WDR75: variants seen among roughly 807,000 people sequenced by gnomAD.
WDR75 encodes WD repeat domain 75, also known as WD repeat-containing protein 75.
In WDR75, 52 loss-of-function variants were observed where a neutral mutation model predicts 106.1. That is an observed-to-expected ratio of 0.49 (90% CI 0.39 to 0.62). The LOEUF is 0.62. WDR75 is among the 20% of genes least tolerant of loss of function. The probability of loss-of-function intolerance (pLI) is 0.00; values close to 1 mark genes in which losing one functional copy is unlikely to be tolerated. For missense variants in WDR75, 905 were observed against 970.3 expected (o/e 0.93, Z 0.89); for synonymous variants, 333 against 335.5 (o/e 0.99, Z 0.08).
At position 189,475,339 on chromosome 2, in the gene WDR75, A is replaced by G. The variant is rs750041155; in HGVS notation, c.2415A>G (p.Ile805Met). The stretch of plus-strand genomic sequence containing the variant: ...ACACAGGTTTAGGAGAAGACATTAT[A>G]CATCAGTTGTCAAAATCTGAAGAAA... ...TSNTGLGEDI[I>M]HQLSKSEEKE... Residue 805 changes from isoleucine (I) to methionine (M), a missense_variant, in exon 21 of 21, where the codon ATA becomes ATG. Transcript: ENST00000314761. The G allele has an allele frequency of 6.2e-7, 1 of 1,612,476 alleles. No individual in the cohort carries two copies. Among genetic ancestry groups the G allele is most frequent in the Non-Finnish European group, 8.5e-7 (1 of 1,179,084 alleles).
At chr2:189,441,684 T>A (rs1686369152) in intron 1 of WDR75, 106 bp downstream of exon 1, 1 of 1,334,262 alleles carries the variant, frequency 7.5e-7, no homozygotes, top group African/African-American at 1.5e-5. Flanking sequence ...GCCTGGCGGA[T>A]ATCGGCTTTG....
At chr2:189,463,596 T>A (rs555429196) in intron 9 of WDR75, 98 bp from the exon 10 acceptor site, 1 of 968,466 alleles carries the variant, frequency 1.0e-6, no homozygotes, top group African/African-American at 1.6e-5. Flanking sequence ...AGTTTATGAA[T>A]TTGTGTTAGG....
Position 189,470,076 on chromosome 2 carries a change from T to G in WDR75, c.1820T>G (p.Leu607Trp). The G allele has an allele frequency of 6.2e-7, 1 of 1,610,072 alleles. No individual in the cohort carries two copies. The highest frequency in any genetic ancestry group is 8.5e-7 in the Non-Finnish European group (1 of 1,178,418). The change falls in exon 17 of 21, where the codon TTG becomes TGG. Residue 607 changes from leucine to tryptophan, a missense_variant and splice_region_variant. By Grantham distance (61) the Leu-to-Trp change is moderately conservative. Transcript: ENST00000314761. ...AISQSSVGSDLFVFKPSEPRP... is the reference protein window; with the variant it reads ...AISQSSVGSDWFVFKPSEPRP... ...TTGTTTCTTTGTTTTTTCCCTCTAG[T>G]GTTTGTATTTAAACCTAGTGAGCCA... is the stretch of plus-strand genomic sequence containing the variant.
rs1686943925 is a variant in WDR75, at chr2:189,463,658, A to G, written c.938-36A>G. 3 of 1,609,726 alleles carry G rather than the reference A, an allele frequency of 1.9e-6. No individual in the cohort carries two copies. In the South Asian group the frequency reaches 3.3e-5, roughly 18 times the overall value. ...AGGTTGGACAAGCTTTCTCTAACCT[A>G]TTGATATTTAAATACCTATTTTTTT... is the stretch of plus-strand genomic sequence containing the variant. On this transcript the variant is annotated intron_variant, in intron 9 of 20. Transcript: ENST00000314761.
chr2:189,458,807 T>G lies in WDR75; in HGVS notation c.624T>G (p.Cys208Trp), dbSNP rs1458551497. Residue 208 changes from cysteine (C) to tryptophan (W), a missense_variant, in exon 7 of 21, where the codon TGT becomes TGG. Cys to Trp is a radical substitution (Grantham distance 215, BLOSUM62 -2). Transcript: ENST00000314761. ...AGCATGCTAAAAACAATTTTACATG[T>G]GTAGCATGTCACCCAACGGAAGACT... ...NKKHAKNNFT[C>W]VACHPTEDCI... 6.2e-7 allele frequency: 1 copy of G among 1,609,510 alleles called. No individual in the cohort carries two copies. The highest frequency in any genetic ancestry group is 8.5e-7 in the Non-Finnish European group (1 of 1,177,960).
At chr2:189,471,150 C>T (rs1265759390) in intron 18 of WDR75, among the ~76,000 whole-genome samples, 1 of 152,120 alleles carries the variant, frequency 6.6e-6, no homozygotes, top group Non-Finnish European at 1.5e-5. Context: ...ACTACCATTA[C>T]CCACAAAGAC....
At chr2:189,442,702 A>C (rs935969386) in intron 1 of WDR75, among the ~76,000 whole-genome samples, 4 of 151,978 alleles carry the variant, frequency 2.6e-5, no homozygotes, top group Non-Finnish European at 5.9e-5. Context: ...TGCCCACCTG[A>C]ACCTCCCAAA....
At chr2:189,460,706 G>A (rs143064301) in intron 8 of WDR75, among the ~76,000 whole-genome samples, 9,847 of 151,928 alleles carry the variant, frequency 0.065, 493 homozygotes, top group African/African-American at 0.14. Context: ...GGGTTTCACC[G>A]TGTTGCCAGG....
intron 16 of WDR75, 111 bp from the exon 17 acceptor site, chr2:189,469,965 G>A (rs1469870159): frequency 1.1e-6 from 1 of 921,082 alleles, no homozygotes; most frequent in East Asian, 2.5e-5. Flanking sequence ...GTCATGACTT[G>A]GGCCAGTTAC....
At position 189,454,661 on chromosome 2, in the gene WDR75, A is replaced by G. The variant is rs990711107; in HGVS notation, c.374-659A>G. Among the ~76,000 whole-genome samples, 17 of 151,950 alleles carry G rather than the reference A, an allele frequency of 1.1e-4. No individual in the cohort carries two copies. The South Asian group carries it at 3.5e-3, about 32-fold the overall frequency. On this transcript the variant is annotated intron_variant, in intron 4 of 20. Coordinates refer to ENST00000314761, the MANE Select transcript of WDR75 (RefSeq NM_032168.3). Reference sequence around the variant, plus strand: ...CTCAGCCTCCCGAGTAGCTGGGACTACAGGCGCCCACCACCACGCCTGGCT... The same window carrying G: ...CTCAGCCTCCCGAGTAGCTGGGACTGCAGGCGCCCACCACCACGCCTGGCT...
rs1686396571 is a variant in WDR75 at position 189,442,441 on chromosome 2, TC to T, written c.86+864del. 7.1e-5 allele frequency among the ~76,000 whole-genome samples: 9 copies of T among 126,982 alleles called. 1 individual carries two copies. The highest frequency in any genetic ancestry group is 3.6e-3 in the Middle Eastern group (1 of 274). 83.3% of individuals were successfully genotyped at this position (126,982 alleles called of 152,430 possible). ...TGAAAGTTTGTAGCCTCCACAATAT[TC>T]TTTTTTTTTTTTTTTTTTTTTTTTT... is the stretch of plus-strand genomic sequence containing the variant. On this transcript the variant is annotated intron_variant, in intron 1 of 20. Transcript: ENST00000314761.
intron 2 of WDR75, chr2:189,450,192 G>C: frequency 1.0e-6 from 1 of 984,334 alleles, no homozygotes; most frequent in Non-Finnish European, 1.2e-6. Flanking sequence ...ATTGGTCCTT[G>C]ATGGATTGGA....
intron 1 of WDR75, among the ~76,000 whole-genome samples, chr2:189,442,632 TAG>T (rs1270587017): frequency 6.6e-6 from 1 of 151,896 alleles, no homozygotes; most frequent in Non-Finnish European, 1.5e-5. Context: ...GTATTTTTAG[TAG>T]AGAGAGGGTT....
chr2:189,456,273 T>A (rs961631535), intron 5 of WDR75, among the ~76,000 whole-genome samples: 1 of 152,132 alleles, frequency 6.6e-6, no homozygotes, highest in African/African-American at 2.4e-5. Flanking sequence ...GTTAAATACA[T>A]TTACCTAGCG....
Position 189,470,073 on chromosome 2 carries a change from T to C in WDR75, c.1820-3T>C, listed in dbSNP as rs762252388. 1 of 1,609,608 alleles carries C rather than the reference T, an allele frequency of 6.2e-7. No individual in the cohort carries two copies. The highest frequency in any genetic ancestry group is 8.5e-7 in the Non-Finnish European group (1 of 1,178,200). On this transcript the variant is annotated splice_polypyrimidine_tract_variant and splice_region_variant and intron_variant, in intron 16 of 20. Transcript: ENST00000314761. The stretch of plus-strand genomic sequence containing the variant: ...TTATTGTTTCTTTGTTTTTTCCCTC[T>C]AGTGTTTGTATTTAAACCTAGTGAG...
rs1687028103 is a variant in WDR75, at chr2:189,467,546, A to G, written c.1526A>G (p.Asp509Gly). 1 of 1,611,780 alleles carries G rather than the reference A, an allele frequency of 6.2e-7. No individual in the cohort carries two copies. The highest frequency in any genetic ancestry group is 1.3e-5 in the African/African-American group (1 of 74,806). The change falls in exon 14 of 21, where the codon GAT becomes GGT. Residue 509 changes from aspartate (D) to glycine (G), a missense_variant. Transcript: ENST00000314761. ...YQATNCCFSE[D>G]GSLLAVSFEE... The stretch of plus-strand genomic sequence containing the variant: ...GCAACTAACTGTTGTTTCTCCGAAG[A>G]TGGTTCTTTACTAGCAGTTAGTTTT...
chr2:189,454,105 A>G (rs536091559), intron 4 of WDR75, among the ~76,000 whole-genome samples: 1 of 152,302 alleles, frequency 6.6e-6, no homozygotes, highest in East Asian at 1.9e-4. Flanking sequence ...CTAGAGAAAA[A>G]TAAAGCAGGG....
At chr2:189,474,467 C>A (rs946463141) in intron 19 of WDR75, 135 bp downstream of exon 19, 2 of 1,095,172 alleles carry the variant, frequency 1.8e-6, no homozygotes, top group East Asian at 2.5e-5. Flanking sequence ...AACAACAAAC[C>A]GAGTAACTTA....
At chr2:189,449,695 A>G (rs2106113170) in intron 2 of WDR75, 1 of 989,954 alleles carries the variant, frequency 1.0e-6, no homozygotes, top group South Asian at 4.6e-5. Flanking sequence ...TTGTTTTGAC[A>G]GTAATTATAT....
Sources: allele counts gnomAD v4.1 joint callset (sites outside exome capture counted in the v4.1 genomes callset), GRCh38; gene constraint gnomAD v4.1.1; transcripts MANE v1.5; gene names NCBI Gene and HGNC (gene_info 2026-07-23, HGNC 2026-07-21).